Variants in CNGB3 observed in about 807,000 individuals in gnomAD.
CNGB3 encodes cyclic nucleotide gated channel subunit beta 3.
CNGB3 carries 86 observed loss-of-function variants against 92.8 expected under a neutral mutation model. That is an observed-to-expected ratio of 0.93 (90% CI 0.78 to 1.11). The LOEUF (loss-of-function observed/expected upper bound fraction) is 1.11, where lower values mean the gene tolerates loss of function less well. Ranked by LOEUF, CNGB3 falls within the 50% of genes least tolerant of loss-of-function variation. The pLI is 0.00. For synonymous variants in CNGB3, 333 were observed against 332.7 expected (o/e 1.00, Z -0.01); for missense variants, 1,026 against 956.8 (o/e 1.07, Z -0.95).
chr8:86,650,806 T>A (rs1165115807), intron 7 of CNGB3, among the ~76,000 whole-genome samples: 1 of 151,288 alleles, frequency 6.6e-6, no homozygotes, highest in Non-Finnish European at 1.5e-5. Context: ...GCAATCCCAC[T>A]ACTGGCTATC....
intron 6 of CNGB3, chr8:86,661,586 C>A (rs1823640996): frequency 2.6e-6 from 2 of 758,152 alleles, no homozygotes; most frequent in Non-Finnish European, 4.8e-6. Context: ...TTTTTCAATT[C>A]CTTCATCCTC....
intron 11 of CNGB3, among the ~76,000 whole-genome samples, chr8:86,630,428 C>T (rs1382134841): frequency 6.6e-6 from 1 of 152,136 alleles, no homozygotes; most frequent in Non-Finnish European, 1.5e-5. Flanking sequence ...TATCCTTCAG[C>T]AATGTTGGGT....
chr8:86,672,226 G>C (rs1823874989), intron 3 of CNGB3, among the ~76,000 whole-genome samples: 1 of 152,074 alleles, frequency 6.6e-6, no homozygotes, highest in Admixed American at 6.6e-5. Context: ...AGCCTCCCAA[G>C]TAGCTAGGAC....
intron 10 of CNGB3, among the ~76,000 whole-genome samples, chr8:86,643,543 T>G (rs1823233176): frequency 6.6e-6 from 1 of 151,248 alleles, no homozygotes; most frequent in South Asian, 2.1e-4. Context: ...TCGTTTTGGG[T>G]CTGGCTTATT....
chr8:86,733,796 A>G (rs769537005), intron 2 of CNGB3, among the ~76,000 whole-genome samples: 3 of 152,350 alleles, frequency 2.0e-5, no homozygotes, highest in Non-Finnish European at 2.9e-5. Flanking sequence ...GTTACTGCCA[A>G]GGACTGAAGA....
chr8:86,637,024 C>T (rs1303859094), intron 10 of CNGB3, among the ~76,000 whole-genome samples: 2 of 152,162 alleles, frequency 1.3e-5, no homozygotes, highest in Admixed American at 1.3e-4. Context: ...AATTTAGGTT[C>T]CTTCCATGTT....
chr8:86,735,958 T>C (rs1825245944), intron 2 of CNGB3, among the ~76,000 whole-genome samples: 1 of 152,062 alleles, frequency 6.6e-6, no homozygotes, highest in African/African-American at 2.4e-5. Flanking sequence ...TTACATATCC[T>C]CTACTGGTAC....
chr8:86,616,268 A>G (rs911760856), intron 13 of CNGB3, among the ~76,000 whole-genome samples: 2 of 152,196 alleles, frequency 1.3e-5, no homozygotes, highest in Non-Finnish European at 2.9e-5. Context: ...GTAAAAACTT[A>G]GAATTTAAGT....
chr8:86,636,805 T>C (rs1823080775), intron 10 of CNGB3, among the ~76,000 whole-genome samples: 1 of 152,006 alleles, frequency 6.6e-6, no homozygotes, highest in Non-Finnish European at 1.5e-5. Context: ...CGAAATTGAC[T>C]CTTTTAGATT....
intron 15 of CNGB3, among the ~76,000 whole-genome samples, chr8:86,602,124 T>C (rs1822316516): frequency 6.6e-6 from 1 of 152,242 alleles, no homozygotes; most frequent in African/African-American, 2.4e-5. Context: ...GCATGTTTTA[T>C]GACCTTGAAG....
At chr8:86,661,873 CAT>C (rs1823646994) in intron 6 of CNGB3, 1 of 1,014,106 alleles carries the variant, frequency 9.9e-7, no homozygotes, top group Non-Finnish European at 1.6e-6. Flanking sequence ...AGATTTGGGT[CAT>C]CACAGTCCAC....
In CNGB3 at chr8:86,735,042, G is replaced by GTTTTT. The variant is rs60107723; in HGVS notation, c.211+4608_211+4612dup. Among the ~76,000 whole-genome samples, 52 of 85,870 alleles carry GTTTTT rather than the reference G, an allele frequency of 6.1e-4. 1 individual carries two copies. Among genetic ancestry groups the GTTTTT allele is most frequent in the Non-Finnish European group, 7.7e-4 (37 of 47,920 alleles). 56.3% of individuals were successfully genotyped at this position (85,870 alleles called of 152,430 possible). On this transcript the variant is annotated intron_variant, in intron 2 of 17. Transcript: ENST00000320005. ...CATGTCAAATTCTCAAATGCCGGTG[G>GTTTTT]TTTTTTTTTTTTTTTTTTTTTTTTT...
At chr8:86,608,913 G>A (rs1822465156) in intron 14 of CNGB3, among the ~76,000 whole-genome samples, 2 of 152,138 alleles carry the variant, frequency 1.3e-5, no homozygotes, top group Admixed American at 1.3e-4. Flanking sequence ...CCGCGCATTG[G>A]TGGTAGTGGT....
intron 7 of CNGB3, among the ~76,000 whole-genome samples, chr8:86,653,746 T>C (rs574947169): frequency 6.6e-6 from 1 of 152,268 alleles, no homozygotes; most frequent in East Asian, 1.9e-4. Flanking sequence ...ATACAACCCA[T>C]ATTCCTTTAC....
chr8:86,630,166 C>T (rs1822933201), intron 11 of CNGB3, among the ~76,000 whole-genome samples: 1 of 152,130 alleles, frequency 6.6e-6, no homozygotes, highest in South Asian at 2.1e-4. Flanking sequence ...CTTTTTGAGT[C>T]TCTTACTCCT....
chr8:86,696,748 G>A (rs80224418), intron 3 of CNGB3, among the ~76,000 whole-genome samples: 1,639 of 151,980 alleles, frequency 0.011, 35 homozygotes, highest in African/African-American at 0.037. Context: ...CTCCTGCTTC[G>A]TTTTGGTTTT....
intron 7 of CNGB3, among the ~76,000 whole-genome samples, chr8:86,653,619 A>C (rs971136185): frequency 1.3e-5 from 2 of 152,140 alleles, no homozygotes; most frequent in African/African-American, 4.8e-5. Context: ...TCTATTAATA[A>C]TTTTTATTTT....
chr8:86,622,986 G>A (rs1822770849), intron 13 of CNGB3, among the ~76,000 whole-genome samples: 2 of 152,036 alleles, frequency 1.3e-5, no homozygotes, highest in African/African-American at 4.8e-5. Context: ...TAGAGTCATG[G>A]GTTAACCTAA....
At chr8:86,634,378 T>G (rs1204051146) in intron 10 of CNGB3, among the ~76,000 whole-genome samples, 1 of 152,180 alleles carries the variant, frequency 6.6e-6, no homozygotes, top group African/African-American at 2.4e-5. Context: ...TAAGCTATGA[T>G]GTTTGGTAGG....
Sources: allele counts gnomAD v4.1 joint callset (sites outside exome capture counted in the v4.1 genomes callset), GRCh38; gene constraint gnomAD v4.1.1; transcripts MANE v1.5; gene names NCBI Gene and HGNC (gene_info 2026-07-23, HGNC 2026-07-21).